TMIGD1: variants seen among roughly 807,000 people sequenced by gnomAD.
TMIGD1 encodes the protein transmembrane and immunoglobulin domain-containing protein 1.
TMIGD1 carries 29 observed loss-of-function variants against 27.5 expected under a neutral mutation model. The observed-to-expected ratio is 1.05, with a 90% CI of 0.78 to 1.44. TMIGD1 has a LOEUF of 1.44. Among genes scored for constraint, TMIGD1 ranks in the 40% most tolerant of loss-of-function variants. The pLI, the probability that TMIGD1 is intolerant of heterozygous loss-of-function variation, is 0.00. For missense variants in TMIGD1, 334 were observed against 310.6 expected, an observed-to-expected ratio of 1.08 and a Z score of -0.57; for synonymous variants, 109 against 110.3, an observed-to-expected ratio of 0.99 and a Z score of 0.07.
At chr17:30,319,261 A>AAAAATATATATATATATATAT in intron 4 of TMIGD1, among the ~76,000 whole-genome samples, 1 of 69,066 alleles carries the variant, frequency 1.4e-5, no homozygotes, top group South Asian at 4.2e-4. Context: ...AAAAAAAAAA[A>AAAAATATATATATATATATAT]ATATATATAT....
chr17:30,317,430 G>A (rs1909451368), intron 5 of TMIGD1, among the ~76,000 whole-genome samples, 197 bp from the exon 6 acceptor site: 1 of 152,016 alleles, frequency 6.6e-6, no homozygotes, highest in Non-Finnish European at 1.5e-5. Flanking sequence ...GATGCTTCCA[G>A]TGTCTTAGAT....
chr17:30,322,158 G>A (rs368592880), intron 4 of TMIGD1, among the ~76,000 whole-genome samples: 1 of 152,050 alleles, frequency 6.6e-6, no homozygotes, highest in South Asian at 2.1e-4. Context: ...TTCCTGCTCT[G>A]GATAATTTTG....
intron 6 of TMIGD1, 38 bp downstream of exon 6, chr17:30,317,155 T>G (rs762452412): frequency 4.3e-6 from 7 of 1,609,892 alleles, no homozygotes; most frequent in Non-Finnish European, 6.0e-6. Flanking sequence ...ATTCATCTGC[T>G]TATTTAAAAA....
In TMIGD1 at chr17:30,329,246, C is replaced by T. The variant is rs746738589; in HGVS notation, c.361+5G>A. Reference sequence around the variant, plus strand: ...CCACTAGCTGTTTCTTTTCCCCTCACTCACAAGTAACATTCAGCACCACCG... The same window carrying T: ...CCACTAGCTGTTTCTTTTCCCCTCATTCACAAGTAACATTCAGCACCACCG... On this transcript the variant is annotated splice_donor_5th_base_variant and intron_variant, in intron 3 of 6. Transcript: ENST00000328886. 2.7e-5 allele frequency: 43 copies of T among 1,610,502 alleles called. No individual in the cohort carries two copies. The highest frequency in any genetic ancestry group is 2.3e-4 in the Admixed American group (14 of 59,946).
intron 4 of TMIGD1, among the ~76,000 whole-genome samples, chr17:30,320,326 G>A (rs112259664): frequency 0.04 from 6,142 of 152,064 alleles, 154 homozygotes; most frequent in Middle Eastern, 0.082. Context: ...ATGAGCCACC[G>A]CACCGGGCCA....
chr17:30,324,888 T>C lies in TMIGD1; in HGVS notation c.568A>G (p.Asn190Asp), dbSNP rs1761170743. The change falls in exon 4 of 7, where the codon AAC (asparagine) becomes GAC (aspartate). Residue 190 changes from asparagine to aspartate, a missense_variant. Asn to Asp is a conservative substitution (Grantham distance 23). Transcript: ENST00000328886. ...LSITKVEKPD[N>D]GTYSCIAKSS... Reference sequence around the variant, plus strand: ...TTTGCAATACAACTGTAGGTTCCGTTGTCAGGCTTCTCGACTTTGGTGATT... The same window carrying C: ...TTTGCAATACAACTGTAGGTTCCGTCGTCAGGCTTCTCGACTTTGGTGATT... 1 of 1,614,212 alleles carries C rather than the reference T, an allele frequency of 6.2e-7. No individual in the cohort carries two copies. The highest frequency in any genetic ancestry group is 8.5e-7 in the Non-Finnish European group (1 of 1,180,008).
In TMIGD1 at chr17:30,332,160, TAA is replaced by T; in HGVS notation, c.-25-4_-25-3del. On this transcript the variant is annotated splice_polypyrimidine_tract_variant and splice_region_variant and intron_variant, in intron 1 of 6. Transcript: ENST00000328886. ...TTTAATGAGTTAAACTCAGATCTAC[TAA>T]GGGAAAAATAGTGCAGTTGGTTTTG... 1 of 1,591,092 alleles carries T rather than the reference TAA, an allele frequency of 6.3e-7. No individual in the cohort carries two copies. Among genetic ancestry groups the T allele is most frequent in the South Asian group, 1.1e-5 (1 of 88,702 alleles).
At chr17:30,321,691 A>G (rs1909626627) in intron 4 of TMIGD1, among the ~76,000 whole-genome samples, 1 of 152,216 alleles carries the variant, frequency 6.6e-6, no homozygotes, top group African/African-American at 2.4e-5. Context: ...TAGCAAGTGA[A>G]GGGCAAAAAC....
chr17:30,317,044 T>C, intron 6 of TMIGD1, 149 bp downstream of exon 6: 1 of 921,242 alleles, frequency 1.1e-6, no homozygotes, highest in Admixed American at 1.9e-5. Flanking sequence ...TCCTCTAAAG[T>C]GGAGGCAGAT....
intron 2 of TMIGD1, among the ~76,000 whole-genome samples, chr17:30,330,188 C>A (rs376310410): frequency 6.6e-6 from 1 of 151,278 alleles, no homozygotes; most frequent in East Asian, 1.9e-4. Context: ...ACCCCCCGAC[C>A]CCCGGTGATT....
intron 1 of TMIGD1, among the ~76,000 whole-genome samples, chr17:30,333,206 T>G (rs1266381231): frequency 2.0e-5 from 3 of 151,538 alleles, no homozygotes; most frequent in Non-Finnish European, 4.4e-5. Flanking sequence ...GGCAGGTGGA[T>G]TACCTGAGGT....
At chr17:30,324,700 A>T (rs1909716044) in intron 4 of TMIGD1, 116 bp downstream of exon 4, 1 of 1,273,378 alleles carries the variant, frequency 7.9e-7, no homozygotes, top group East Asian at 2.4e-5. Context: ...GATTCTCCAA[A>T]GAAAATCCTG....
rs781242234 is a variant in TMIGD1 at position 30,332,032 on chromosome 17, C to T, written c.82+20G>A. ...AATTTTTCTTTATCTAAAAAGAGGC[C>T]AAAAAGAACTTTAACTTACTTGTCA... On this transcript the variant is annotated intron_variant, in intron 2 of 6. Transcript: ENST00000328886. 1.3e-6 allele frequency: 2 copies of T among 1,570,896 alleles called. No individual in the cohort carries two copies. The highest frequency in any genetic ancestry group is 3.5e-5 in the Admixed American group (2 of 57,332).
intron 3 of TMIGD1, 75 bp downstream of exon 3, chr17:30,329,176 A>T: frequency 3.9e-6 from 6 of 1,550,032 alleles, no homozygotes; most frequent in Non-Finnish European, 5.2e-6. Context: ...CAATACCAAG[A>T]CCTAGATTTC....
At chr17:30,328,557 A>T (rs566442368) in intron 3 of TMIGD1, among the ~76,000 whole-genome samples, 14 of 152,302 alleles carry the variant, frequency 9.2e-5, no homozygotes, top group African/African-American at 3.4e-4. Flanking sequence ...CATAAAACCC[A>T]ACGGAAAAAA....
chr17:30,329,584 C>T, intron 2 of TMIGD1, 55 bp from the exon 3 acceptor site: 1 of 1,468,312 alleles, frequency 6.8e-7, no homozygotes, highest in Non-Finnish European at 9.3e-7. Flanking sequence ...CCTTAATGCT[C>T]ATGAACAGGG....
chr17:30,320,304 T>G (rs1386481269), intron 4 of TMIGD1, among the ~76,000 whole-genome samples: 2 of 152,074 alleles, frequency 1.3e-5, no homozygotes, highest in Non-Finnish European at 2.9e-5. Context: ...CCTAAGTGCT[T>G]GGATTACAGG....
At chr17:30,316,922 C>A in intron 6 of TMIGD1, 1 of 626,144 alleles carries the variant, frequency 1.6e-6, no homozygotes. Flanking sequence ...AGAGCATTTG[C>A]ATTGTGTGGC....
At chr17:30,320,518 A>C (rs1057106787) in intron 4 of TMIGD1, among the ~76,000 whole-genome samples, 3 of 152,190 alleles carry the variant, frequency 2.0e-5, no homozygotes, top group Non-Finnish European at 4.4e-5. Flanking sequence ...CCTGGCATCA[A>C]CTCTAACCGA....
Sources: allele counts gnomAD v4.1 joint callset (sites outside exome capture counted in the v4.1 genomes callset), GRCh38; gene constraint gnomAD v4.1.1; transcripts MANE v1.5; gene names NCBI Gene and HGNC (gene_info 2026-07-23, HGNC 2026-07-21).